Variants in SEC63 observed in about 807,000 individuals in gnomAD.
SEC63 encodes SEC63 protein translocation regulator, also known as translocation protein SEC63 homolog.
Under a neutral mutation model 116.2 loss-of-function variants are expected in SEC63, and 56 were observed. That is an observed-to-expected ratio of 0.48 (90% CI 0.39 to 0.60). The LOEUF (loss-of-function observed/expected upper bound fraction) is 0.60. SEC63 is among the 20% of genes least tolerant of loss of function. The pLI is 0.00. For missense variants in SEC63, 668 were observed against 900.0 expected (o/e 0.74, Z 3.30); for synonymous variants, 273 against 294.6 (o/e 0.93, Z 0.75).
chr6:107,934,319 C>T (rs1306749355), intron 1 of SEC63, among the ~76,000 whole-genome samples: 39 of 150,518 alleles, frequency 2.6e-4, no homozygotes, highest in Non-Finnish European at 1.5e-4. Flanking sequence ...AAGTGAGGAG[C>T]GCCTCTTCCC....
At chr6:107,929,568 T>TA (rs1787753025) in intron 1 of SEC63, 54 bp from the exon 2 acceptor site, 1 of 1,015,432 alleles carries the variant, frequency 9.8e-7, no homozygotes. Flanking sequence ...CAAGTGAAGG[T>TA]AAAACCAGCT....
At chr6:107,875,877 C>T (rs1786252016) in intron 19 of SEC63, among the ~76,000 whole-genome samples, 1 of 152,092 alleles carries the variant, frequency 6.6e-6, no homozygotes, top group Non-Finnish European at 1.5e-5. Flanking sequence ...TACAAACATA[C>T]AGAGCCTCCA....
In SEC63 at chr6:107,904,797, A is replaced by G. The variant is rs1787106519; in HGVS notation, c.962-76T>C. On this transcript the variant is annotated intron_variant, in intron 10 of 20. Coordinates refer to ENST00000369002, the MANE Select transcript of SEC63 (RefSeq NM_007214.5). ...AGCATCTTTATCACTGTGGCCCAAA[A>G]CTAATATTAAAGTTATGCCACAAAT... 3 of 1,055,882 alleles carry G rather than the reference A, an allele frequency of 2.8e-6. No homozygotes were observed. In the Admixed American group the frequency reaches 5.1e-5, roughly 18 times the overall value. The allele number at this position is 1,055,882 out of a possible 1,614,324, so 65.4% of individuals were successfully genotyped here.
At chr6:107,938,054 T>C (rs1225401811) in intron 1 of SEC63, among the ~76,000 whole-genome samples, 4 of 152,196 alleles carry the variant, frequency 2.6e-5, no homozygotes, top group African/African-American at 9.7e-5. Flanking sequence ...TTGTCAATTC[T>C]TGCTTTTGCT....
intron 1 of SEC63, among the ~76,000 whole-genome samples, chr6:107,944,278 T>C (rs937040186): frequency 6.6e-6 from 1 of 151,930 alleles, no homozygotes; most frequent in Non-Finnish European, 1.5e-5. Context: ...GTCAAGAAGG[T>C]TGGAGGGGAG....
At chr6:107,933,929 G>C (rs1583767896) in intron 1 of SEC63, among the ~76,000 whole-genome samples, 1 of 152,228 alleles carries the variant, frequency 6.6e-6, no homozygotes, top group East Asian at 1.9e-4. Context: ...CGCTGTGTTG[G>C]CCGGGCTGGT....
At chr6:107,892,566 T>C (rs1386090259) in intron 16 of SEC63, among the ~76,000 whole-genome samples, 2 of 152,098 alleles carry the variant, frequency 1.3e-5, no homozygotes, top group African/African-American at 4.8e-5. Context: ...AAAAAGAGAC[T>C]AATGAAATTG....
chr6:107,900,536 T>C (rs1302444015), intron 13 of SEC63, among the ~76,000 whole-genome samples: 1 of 152,022 alleles, frequency 6.6e-6, no homozygotes, highest in African/African-American at 2.4e-5. Flanking sequence ...TAGTCCCAGC[T>C]ACTCAGGAGG....
intron 2 of SEC63, among the ~76,000 whole-genome samples, chr6:107,926,420 G>A (rs1455891845): frequency 6.6e-6 from 1 of 151,998 alleles, no homozygotes; most frequent in Non-Finnish European, 1.5e-5. Flanking sequence ...AAATTGGAAT[G>A]ATTTGTTTTT....
chr6:107,916,130 G>T (rs997833065), intron 4 of SEC63, among the ~76,000 whole-genome samples: 1 of 151,054 alleles, frequency 6.6e-6, no homozygotes, highest in Non-Finnish European at 1.5e-5. Context: ...AGGGTGGGGG[G>T]ATTTCACCAA....
In SEC63 at chr6:107,888,021, T is replaced by C. The variant is rs948668207; in HGVS notation, c.1675-4875A>G. Among the ~76,000 whole-genome samples, 3 of 152,336 alleles carry C rather than the reference T, an allele frequency of 2.0e-5. No homozygotes were observed. The East Asian group carries it at 5.8e-4, about 29-fold the overall frequency. On this transcript the variant is annotated intron_variant, in intron 16 of 20. Coordinates refer to ENST00000369002, the MANE Select transcript of SEC63 (RefSeq NM_007214.5). The stretch of plus-strand genomic sequence containing the variant: ...CCTTGTAGCACAGTTTGAAGTCAGG[T>C]AGCGTGATGCCTCCAGCTTTGTTCT...
chr6:107,909,725 T>G (rs1178763923), intron 7 of SEC63, among the ~76,000 whole-genome samples: 1 of 152,212 alleles, frequency 6.6e-6, no homozygotes, highest in African/African-American at 2.4e-5. Context: ...AATGTAGGCA[T>G]AATTTTACAA....
intron 1 of SEC63, chr6:107,956,108 T>C: frequency 4.5e-6 from 1 of 221,680 alleles, no homozygotes; most frequent in Non-Finnish European, 9.9e-6. Flanking sequence ...CTCTCCCCGC[T>C]TTAAAAAGAA....
chr6:107,929,654 T>TA, intron 1 of SEC63, 140 bp from the exon 2 acceptor site: 2 of 611,682 alleles, frequency 3.3e-6, no homozygotes, highest in South Asian at 3.9e-5. Flanking sequence ...AAATAGCCTT[T>TA]AAAAAACTTA....
chr6:107,913,400 A>G lies in SEC63; in HGVS notation c.480T>C (p.Asn160=). The stretch of plus-strand genomic sequence containing the variant: ...CATCTGGATTTCCAAATTCTTCCCA[A>G]TTTTTCCGGGACTCTTCATCCGTTA... ...AALTDEESRK[N]WEEFGNPDGP... Residue 160 remains asparagine, a synonymous_variant, in exon 5 of 21, where the codon AAT becomes AAC. Coordinates refer to ENST00000369002, the MANE Select transcript of SEC63 (RefSeq NM_007214.5). 6.2e-7 allele frequency: 1 copy of G among 1,613,102 alleles called. No homozygotes were observed.
chr6:107,920,405 G>GA (rs1672427960), intron 4 of SEC63, among the ~76,000 whole-genome samples: 2 of 113,912 alleles, frequency 1.8e-5, no homozygotes, highest in African/African-American at 3.4e-5. Context: ...CAGCCTGGGC[G>GA]AAAGAGCGAG....
chr6:107,874,037 C>A (rs1250479844), intron 19 of SEC63, among the ~76,000 whole-genome samples: 2 of 152,132 alleles, frequency 1.3e-5, no homozygotes, highest in South Asian at 2.1e-4. Context: ...CTAAATATCA[C>A]CCCACAGATT....
intron 16 of SEC63, among the ~76,000 whole-genome samples, chr6:107,883,645 T>C (rs1204685935): frequency 4.7e-5 from 7 of 148,750 alleles, no homozygotes; most frequent in African/African-American, 1.7e-4. Flanking sequence ...AAAAAAATTA[T>C]ATATATATAT....
intron 4 of SEC63, among the ~76,000 whole-genome samples, chr6:107,920,451 G>GCTACTGC (rs1787529724): frequency 2.0e-5 from 2 of 99,172 alleles, no homozygotes; most frequent in Non-Finnish European, 4.2e-5. Flanking sequence ...AAAAAAAAAA[G>GCTACTGC]ACATAAGGCT....
Sources: gnomAD v4.1 joint callset for allele counts (sites outside exome capture counted in the v4.1 genomes callset) on GRCh38, gnomAD v4.1.1 for gene constraint, MANE v1.5 for transcripts, NCBI Gene and HGNC (gene_info 2026-07-23, HGNC 2026-07-21) for gene names.